Variants in FUT8 observed in about 807,000 individuals in gnomAD.
FUT8 encodes the protein fucosyltransferase 8, also known as alpha-(1,6)-fucosyltransferase.
Under a neutral mutation model 71.3 loss-of-function variants are expected in FUT8, and 29 were observed. The observed-to-expected ratio is 0.41, with a 90% confidence interval of 0.30 to 0.55. The LOEUF (loss-of-function observed/expected upper bound fraction) is 0.55. Among genes scored for constraint, FUT8 ranks in the 20% least tolerant of loss-of-function variants. The pLI, the probability that FUT8 is intolerant of heterozygous loss-of-function variation, is 0.34. For synonymous variants in FUT8, 254 were observed against 239.3 expected, an observed-to-expected ratio of 1.06 and a Z score of -0.57; for missense variants, 544 against 702.1, an observed-to-expected ratio of 0.77 and a Z score of 2.55.
Position 65,433,493 on chromosome 14 carries a change from A to G in FUT8, c.-326+20279A>G, listed in dbSNP as rs551318798. ...TGTGCTTTTCGTATTTGCATATGCTATTGCCTTTCTTCAGATATTGATTAA... is the reference window on the plus strand; with the variant it reads ...TGTGCTTTTCGTATTTGCATATGCTGTTGCCTTTCTTCAGATATTGATTAA... On this transcript the variant is annotated intron_variant, in intron 1 of 10. Transcript: ENST00000673929. Among the ~76,000 whole-genome samples the G allele has an allele frequency of 1.6e-4, 25 of 152,302 alleles. 1 individual carries two copies. The South Asian group carries it at 1.9e-3, about 11-fold the overall frequency.
intron 6 of FUT8, among the ~76,000 whole-genome samples, chr14:65,641,216 T>G (rs1274096853): frequency 1.3e-5 from 2 of 152,238 alleles, no homozygotes; most frequent in Non-Finnish European, 2.9e-5. Context: ...ATCTGCTTTC[T>G]ATCATTATAG....
At chr14:65,679,247 T>C (rs1025829675) in intron 7 of FUT8, among the ~76,000 whole-genome samples, 1 of 152,208 alleles carries the variant, frequency 6.6e-6, no homozygotes, top group Non-Finnish European at 1.5e-5. Flanking sequence ...GAATTAATAA[T>C]AGGACATTGG....
In FUT8 at chr14:65,638,201, C is replaced by T. The variant is rs1410557785; in HGVS notation, c.597+8595C>T. The stretch of plus-strand genomic sequence containing the variant: ...ACATTGTCCTTCTCCCAAGACCCTC[C>T]GTCTCTATCTGCCTAACCAGCCCCT... On this transcript the variant is annotated intron_variant, in intron 6 of 10. Coordinates refer to ENST00000673929, the MANE Select transcript of FUT8 (RefSeq NM_001371533.1). This position sits in a 1 kb window ranked among gnomAD's most constrained non-coding sequence, Gnocchi z 4.5. 1.3e-5 allele frequency among the ~76,000 whole-genome samples: 2 copies of T among 152,114 alleles called. No individual in the cohort carries two copies. Among genetic ancestry groups the T allele is most frequent in the African/African-American group, 2.4e-5 (1 of 41,412 alleles).
At chr14:65,579,581 G>C (rs1886966854) in intron 3 of FUT8, among the ~76,000 whole-genome samples, 1 of 152,062 alleles carries the variant, frequency 6.6e-6, no homozygotes, top group Non-Finnish European at 1.5e-5. Flanking sequence ...GTGGGTCATG[G>C]GTCTCTGGGA....
chr14:65,398,876 T>A, the FUT8 span, among the ~76,000 whole-genome samples: 1 of 152,226 alleles, frequency 6.6e-6, no homozygotes, highest in African/African-American at 2.4e-5. Flanking sequence ...CCAGTTCTTT[T>A]GGTGAGCAAA....
At chr14:65,397,734 A>G in the FUT8 span, among the ~76,000 whole-genome samples, 9,303 of 152,314 alleles carry the variant, frequency 0.061, 338 homozygotes, top group Admixed American at 0.11. This position sits in a 1 kb window ranked among gnomAD's most constrained non-coding sequence, Gnocchi z 4.2. Context: ...ACTGGAATAA[A>G]TGGGTAAATA....
At chr14:65,693,286 C>T (rs1893799175) in intron 7 of FUT8, among the ~76,000 whole-genome samples, 1 of 152,274 alleles carries the variant, frequency 6.6e-6, no homozygotes, top group Non-Finnish European at 1.5e-5. Context: ...TGGCGGATCA[C>T]TCGCGGTTAG....
At chr14:65,662,799 C>A (rs933665596) in intron 6 of FUT8, among the ~76,000 whole-genome samples, 3 of 152,028 alleles carry the variant, frequency 2.0e-5, no homozygotes, top group African/African-American at 4.8e-5. Flanking sequence ...CCAATTGAAA[C>A]CAAATCACAC....
At chr14:65,681,186 C>T (rs533526808) in intron 7 of FUT8, among the ~76,000 whole-genome samples, 2 of 152,180 alleles carry the variant, frequency 1.3e-5, no homozygotes, top group African/African-American at 4.8e-5. Context: ...TTCCTCATTG[C>T]CTAATACTAC....
chr14:65,633,208 A>G lies in FUT8; in HGVS notation c.597+3602A>G, dbSNP rs866459639. 5.7e-3 allele frequency among the ~76,000 whole-genome samples: 869 copies of G among 151,964 alleles called. 1 individual carries two copies. The highest frequency in any genetic ancestry group is 0.024 in the Middle Eastern group (7 of 294). ...TGGTTTTCGTATTTTTTTGGTGGAG[A>G]CGGGGTTTCGCTGTGTTGGCCGGGC... On this transcript the variant is annotated intron_variant, in intron 6 of 10. Coordinates refer to ENST00000673929, the MANE Select transcript of FUT8 (RefSeq NM_001371533.1).
At chr14:65,644,976 GA>G (rs1352121144) in intron 6 of FUT8, among the ~76,000 whole-genome samples, 4 of 151,846 alleles carry the variant, frequency 2.6e-5, no homozygotes, top group Admixed American at 1.3e-4. Context: ...GAAATCACTG[GA>G]AAAAAAGCAC....
At chr14:65,560,441 A>G (rs536162445) in intron 2 of FUT8, among the ~76,000 whole-genome samples, 1 of 152,266 alleles carries the variant, frequency 6.6e-6, no homozygotes, top group African/African-American at 2.4e-5. Flanking sequence ...GTCTCCTTCT[A>G]AAGTGCAGGG....
intron 2 of FUT8, among the ~76,000 whole-genome samples, chr14:65,506,619 A>AT (rs1014455441): frequency 1.4e-4 from 21 of 152,238 alleles, no homozygotes; most frequent in African/African-American, 4.8e-4. Context: ...CTACTTATTG[A>AT]TTTTTTTAAA....
At chr14:65,543,178 T>C (rs1884782636) in intron 2 of FUT8, among the ~76,000 whole-genome samples, 1 of 152,214 alleles carries the variant, frequency 6.6e-6, no homozygotes, top group East Asian at 1.9e-4. Context: ...TTGATTTGAA[T>C]GCAAGTTATT....
At chr14:65,625,889 C>G (rs773843503) in intron 5 of FUT8, among the ~76,000 whole-genome samples, 15 of 152,094 alleles carry the variant, frequency 9.9e-5, no homozygotes, top group Non-Finnish European at 1.9e-4. Context: ...ATAAGACTTT[C>G]CTGTGGGCTG....
At chr14:65,621,196 G>A (rs946201640) in intron 5 of FUT8, among the ~76,000 whole-genome samples, 2 of 151,454 alleles carry the variant, frequency 1.3e-5, no homozygotes, top group African/African-American at 4.9e-5. Context: ...CATTCATTAT[G>A]TTACTTTATC....
chr14:65,576,484 T>C (rs551209461), intron 3 of FUT8, among the ~76,000 whole-genome samples: 6 of 152,088 alleles, frequency 3.9e-5, no homozygotes, highest in Admixed American at 1.3e-4. Context: ...AGTAATATTA[T>C]TCTTAGGCTC....
At position 65,455,089 on chromosome 14, in the gene FUT8, A is replaced by G. The variant is rs1318808802; in HGVS notation, c.-325-532A>G. On this transcript the variant is annotated intron_variant, in intron 1 of 10. Coordinates refer to ENST00000673929, the MANE Select transcript of FUT8 (RefSeq NM_001371533.1). ...AGGAGAAAAAAATCCCTGTTTTTTAAAAAAAGGAATGTTGTATTGCAGGGT... is the reference window on the plus strand; with the variant it reads ...AGGAGAAAAAAATCCCTGTTTTTTAGAAAAAGGAATGTTGTATTGCAGGGT... 3.3e-5 allele frequency among the ~76,000 whole-genome samples: 5 copies of G among 152,312 alleles called. No homozygotes were observed. In the East Asian group the frequency reaches 7.7e-4, roughly 24 times the overall value.
At position 65,742,639 on chromosome 14, in the gene FUT8, C is replaced by G. The variant is rs2139415690; in HGVS notation, c.*229C>G. ...TACCCATGCACAGTACAATAATGTA[C>G]TCACATATAACATGCAAACAGGTTG... On this transcript the variant is annotated 3_prime_UTR_variant, in exon 11 of 11. Transcript: ENST00000673929. 2.1e-6 allele frequency: 1 copy of G among 480,120 alleles called. No homozygotes were observed. Among genetic ancestry groups the G allele is most frequent in the Non-Finnish European group, 3.7e-6 (1 of 268,226 alleles). 29.7% of individuals were successfully genotyped at this position (480,120 alleles called of 1,614,324 possible). A position where few individuals can be genotyped will look rare whatever the true frequency, so the allele number is the denominator to read the frequency against.
Sources: gnomAD v4.1 joint callset for allele counts (sites outside exome capture counted in the v4.1 genomes callset) on GRCh38, gnomAD v4.1.1 for gene constraint, Gnocchi (gnomAD v3.1) non-coding constraint, MANE v1.5 for transcripts, NCBI Gene and HGNC (gene_info 2026-07-23, HGNC 2026-07-21) for gene names.